IL1RAPL2: variants seen among roughly 807,000 people sequenced by gnomAD.
IL1RAPL2 encodes the protein X-linked interleukin-1 receptor accessory protein-like 2.
A neutral mutation model predicts 44.1 loss-of-function variants in IL1RAPL2; 3 were observed. The observed-to-expected ratio is 0.07, with a 90% CI of 0.03 to 0.18. IL1RAPL2 has a LOEUF of 0.18. Ranked by LOEUF, IL1RAPL2 falls within the 10% of genes least tolerant of loss-of-function variation. The pLI is 1.00. For missense variants in IL1RAPL2, 391 were observed against 496.4 expected (o/e 0.79, Z 2.02); for synonymous variants, 181 against 178.8 (o/e 1.01, Z -0.10).
At chrX:105,097,104 G>A (rs925637318) in intron 2 of IL1RAPL2, among the ~76,000 whole-genome samples, 13 of 109,096 alleles carry the variant, frequency 1.2e-4, no homozygotes, top group African/African-American at 3.0e-4. Flanking sequence ...CGAGGCGGGC[G>A]GATCATGAGG....
chrX:105,135,972 T>A (rs1482612100), intron 2 of IL1RAPL2, among the ~76,000 whole-genome samples: 1 of 111,695 alleles, frequency 9.0e-6, no homozygotes, highest in African/African-American at 3.3e-5. Flanking sequence ...ACTATCACAG[T>A]GAAACATGGG....
chrX:105,557,741 C>T (rs770311451), intron 6 of IL1RAPL2, among the ~76,000 whole-genome samples: 7 of 110,989 alleles, frequency 6.3e-5, no homozygotes, highest in African/African-American at 9.8e-5. Context: ...GAGGGAGAGT[C>T]GCCCTCCCCA....
chrX:105,243,532 CATATATATATGTGTGTAT>C (rs1367842700), intron 4 of IL1RAPL2, among the ~76,000 whole-genome samples: 19,539 of 95,753 alleles, frequency 0.2, 4,512 homozygotes, highest in African/African-American at 0.67. Context: ...ATGGAGATTT[CATATATATATGTGTGTAT>C]ATATATATAT....
intron 2 of IL1RAPL2, among the ~76,000 whole-genome samples, chrX:104,775,818 G>T (rs1197450928): frequency 9.1e-6 from 1 of 110,403 alleles, no homozygotes; most frequent in Non-Finnish European, 1.9e-5. Flanking sequence ...AGTTAGTTAA[G>T]CCACGTTTTC....
intron 1 of IL1RAPL2, among the ~76,000 whole-genome samples, chrX:104,637,990 T>G (rs2148015034): frequency 9.0e-6 from 1 of 111,458 alleles, no homozygotes; most frequent in South Asian, 3.8e-4. Flanking sequence ...AGCCATCTGG[T>G]CTTGGATGTT....
At chrX:105,519,005 A>G (rs1450923701) in intron 6 of IL1RAPL2, among the ~76,000 whole-genome samples, 1 of 111,701 alleles carries the variant, frequency 9.0e-6, no homozygotes, top group Non-Finnish European at 1.9e-5. Flanking sequence ...ATCTAGTCTT[A>G]TACTATCATT....
chrX:104,582,826 T>C (rs191388763), intron 1 of IL1RAPL2, among the ~76,000 whole-genome samples: 348 of 30,978 alleles, frequency 0.011, 5 homozygotes, highest in Middle Eastern at 0.065. Flanking sequence ...TTCTTTCTCT[T>C]TCTTTCTTTC....
intron 5 of IL1RAPL2, among the ~76,000 whole-genome samples, chrX:105,286,945 C>T (rs766279477): frequency 6.3e-5 from 7 of 111,716 alleles, no homozygotes; most frequent in Non-Finnish European, 1.3e-4. Context: ...ATTCATTAAC[C>T]TATTGAAAAA....
At chrX:104,980,198 A>G (rs2030411800) in intron 2 of IL1RAPL2, among the ~76,000 whole-genome samples, 1 of 111,376 alleles carries the variant, frequency 9.0e-6, no homozygotes, top group Non-Finnish European at 1.9e-5. Context: ...AGACACAAAG[A>G]AAAAAATTAG....
At chrX:104,882,740 A>G (rs754030744) in intron 2 of IL1RAPL2, among the ~76,000 whole-genome samples, 4 of 111,726 alleles carry the variant, frequency 3.6e-5, no homozygotes, top group African/African-American at 9.8e-5. Flanking sequence ...GTCCCCTTCC[A>G]TGCTGTAGAA....
At chrX:104,768,815 C>T (rs1932597410) in intron 2 of IL1RAPL2, among the ~76,000 whole-genome samples, 1 of 111,525 alleles carries the variant, frequency 9.0e-6, no homozygotes, top group Admixed American at 9.6e-5. Flanking sequence ...ACCTTTGCTT[C>T]TGCTCTTCCT....
chrX:105,446,609 A>C (rs187488866), intron 5 of IL1RAPL2, among the ~76,000 whole-genome samples: 1 of 110,967 alleles, frequency 9.0e-6, no homozygotes, highest in Admixed American at 9.7e-5. Context: ...ACACTATCTT[A>C]TAACCCATTA....
At chrX:105,420,258 A>T (rs1432070531) in intron 5 of IL1RAPL2, among the ~76,000 whole-genome samples, 1 of 111,994 alleles carries the variant, frequency 8.9e-6, no homozygotes, top group Non-Finnish European at 1.9e-5. Flanking sequence ...CCTACTAAGT[A>T]CTGTCACCAC....
intron 2 of IL1RAPL2, among the ~76,000 whole-genome samples, chrX:104,929,645 G>C (rs1279431513): frequency 1.8e-5 from 2 of 112,012 alleles, no homozygotes; most frequent in East Asian, 5.6e-4. Flanking sequence ...TAAACAGCAT[G>C]TGTGTTTAGG....
intron 4 of IL1RAPL2, among the ~76,000 whole-genome samples, chrX:105,250,329 C>T (rs2034258892): frequency 9.0e-6 from 1 of 111,162 alleles, no homozygotes; most frequent in East Asian, 2.8e-4. Flanking sequence ...ATTCATTTGT[C>T]AAAACCAATT....
intron 1 of IL1RAPL2, among the ~76,000 whole-genome samples, chrX:104,602,025 T>G (rs1928892799): frequency 8.9e-6 from 1 of 111,924 alleles, no homozygotes; most frequent in African/African-American, 3.2e-5. Context: ...AAAGAAAATG[T>G]GGTAGGGATT....
chrX:105,067,217 C>G (rs762632718), intron 2 of IL1RAPL2, among the ~76,000 whole-genome samples: 9 of 111,081 alleles, frequency 8.1e-5, no homozygotes, highest in Non-Finnish European at 1.3e-4. Context: ...GACACACACA[C>G]GCGCACACAC....
chrX:104,691,960 A>G (rs180877773), intron 2 of IL1RAPL2, among the ~76,000 whole-genome samples: 14 of 111,801 alleles, frequency 1.3e-4, no homozygotes, highest in Admixed American at 1.9e-4. Context: ...ACAGAAAAGG[A>G]AAACAATGCC....
intron 2 of IL1RAPL2, among the ~76,000 whole-genome samples, chrX:104,687,950 C>A: frequency 9.0e-6 from 1 of 111,481 alleles, no homozygotes; most frequent in Admixed American, 9.6e-5. Context: ...CAACAAAAAA[C>A]CAAAACTGTG....
Sources: gnomAD v4.1 joint callset for allele counts (sites outside exome capture counted in the v4.1 genomes callset) on GRCh38, gnomAD v4.1.1 for gene constraint, MANE v1.5 for transcripts, NCBI Gene and HGNC (gene_info 2026-07-23, HGNC 2026-07-21) for gene names.